The following ARID1B variants were observed in gnomAD, a reference collection of about 807,000 sequenced individuals.
The protein encoded by ARID1B is AT-rich interactive domain-containing protein 1B.
A neutral mutation model predicts 212.3 loss-of-function variants in ARID1B; 30 were observed. The observed-to-expected ratio is 0.14, with a 90% CI of 0.11 to 0.19. The LOEUF (loss-of-function observed/expected upper bound fraction) is 0.19. Among genes scored for constraint, ARID1B ranks in the 10% least tolerant of loss-of-function variants. The pLI is 1.00. For missense variants in ARID1B, 2,891 were observed against 3,204.0 expected, an observed-to-expected ratio of 0.90 and a Z score of 2.36; for synonymous variants, 1,402 against 1,301.7, an observed-to-expected ratio of 1.08 and a Z score of -1.66.
rs574554477 is a variant in ARID1B, at chr6:157,167,287, G to A, written c.3235+102G>A. ...CTAAACGGCCCGAGAAGGTGGATCA[G>A]TTGGCGAAAGTGGGAATCATACTAC... is the stretch of plus-strand genomic sequence containing the variant. On this transcript the variant is annotated intron_variant, in intron 9 of 19. Coordinates refer to ENST00000636930, the MANE Select transcript of ARID1B (RefSeq NM_001374828.1). 26 of 1,409,634 alleles carry A rather than the reference G, an allele frequency of 1.8e-5. No homozygotes were observed. The African/African-American group carries it at 3.6e-4, about 20-fold the overall frequency. The allele number at this position is 1,409,634 out of a possible 1,614,324, so 87.3% of individuals were successfully genotyped here. A position where few individuals can be genotyped will look rare whatever the true frequency, so the allele number is the denominator to read the frequency against.
intron 7 of ARID1B, among the ~76,000 whole-genome samples, chr6:157,141,989 G>A (rs977127445): frequency 6.6e-6 from 1 of 152,120 alleles, no homozygotes; most frequent in Admixed American, 6.5e-5. Flanking sequence ...AGCTCTACTC[G>A]TAATTGCCAA....
intron 2 of ARID1B, among the ~76,000 whole-genome samples, chr6:156,853,777 C>T (rs1339543198): frequency 6.6e-6 from 1 of 152,124 alleles, no homozygotes; most frequent in African/African-American, 2.4e-5. Context: ...TGTTCTGTTG[C>T]CCGGACTGGA....
intron 4 of ARID1B, among the ~76,000 whole-genome samples, chr6:156,987,645 G>C (rs893046566): frequency 2.0e-5 from 3 of 152,260 alleles, no homozygotes; most frequent in South Asian, 4.1e-4. Context: ...CTAGTTTTGT[G>C]CCTGTATTTT....
chr6:157,088,883 G>T (rs1026536074), intron 5 of ARID1B, among the ~76,000 whole-genome samples: 1 of 152,128 alleles, frequency 6.6e-6, no homozygotes, highest in African/African-American at 2.4e-5. Flanking sequence ...TCTCCCAGGC[G>T]TGATACTCAA....
Position 157,148,499 on chromosome 6 carries a change from G to T in ARID1B, c.2762-125G>T, listed in dbSNP as rs1789961576. ...CTGGCAGCTGCACCAGCAGCAACAG[G>T]AAGGGCCTATAACGGTCATGACTAA... On this transcript the variant is annotated intron_variant, in intron 7 of 19. Coordinates refer to ENST00000636930, the MANE Select transcript of ARID1B (RefSeq NM_001374828.1). This position sits in a 1 kb window ranked among gnomAD's most constrained non-coding sequence, Gnocchi z 5.6. 6 of 1,032,630 alleles carry T rather than the reference G, an allele frequency of 5.8e-6. No homozygotes were observed. The highest frequency in any genetic ancestry group is 3.3e-5 in the South Asian group (2 of 60,504). 64.0% of individuals were successfully genotyped at this position (1,032,630 alleles called of 1,614,324 possible).
intron 2 of ARID1B, among the ~76,000 whole-genome samples, chr6:156,841,216 C>T (rs116279969): frequency 2.2e-3 from 339 of 152,238 alleles, no homozygotes; most frequent in African/African-American, 7.7e-3. Context: ...AGTTCTCTGT[C>T]GCTGATCATT....
chr6:156,881,355 G>T (rs532694666), intron 2 of ARID1B, among the ~76,000 whole-genome samples: 1 of 152,264 alleles, frequency 6.6e-6, no homozygotes, highest in African/African-American at 2.4e-5. Flanking sequence ...TGTTGTATTT[G>T]AAGAAATTGC....
chr6:156,985,059 A>G (rs1387468415), intron 4 of ARID1B: 1 of 152,184 alleles, frequency 6.6e-6, no homozygotes, highest in Non-Finnish European at 1.5e-5. Flanking sequence ...AGGTTATTAA[A>G]TATTGCTTTA....
chr6:156,790,011 C>T (rs1235549812), intron 1 of ARID1B, among the ~76,000 whole-genome samples: 2 of 152,196 alleles, frequency 1.3e-5, no homozygotes, highest in South Asian at 2.1e-4. Flanking sequence ...AGCAGCCTAT[C>T]GGTCTTTCAG....
chr6:157,117,210 A>C (rs1787380642), intron 6 of ARID1B, among the ~76,000 whole-genome samples: 2 of 152,184 alleles, frequency 1.3e-5, no homozygotes, highest in South Asian at 4.1e-4. Context: ...GGTGAATCAA[A>C]ATTTCTATAC....
chr6:156,952,971 C>T (rs916046540), intron 4 of ARID1B, among the ~76,000 whole-genome samples: 4 of 152,090 alleles, frequency 2.6e-5, no homozygotes, highest in Non-Finnish European at 5.9e-5. Flanking sequence ...ATTTCATTAC[C>T]TCTGGGAAAA....
intron 3 of ARID1B, among the ~76,000 whole-genome samples, chr6:156,915,372 G>A (rs1254355081): frequency 6.6e-6 from 1 of 152,078 alleles, no homozygotes; most frequent in Non-Finnish European, 1.5e-5. Context: ...TTCGAGACCA[G>A]CCTGGCCAAC....
chr6:157,073,040 A>G (rs1349501770), intron 4 of ARID1B, among the ~76,000 whole-genome samples: 9 of 151,880 alleles, frequency 5.9e-5, no homozygotes. Context: ...ATACATAATT[A>G]TCTGATAAAT....
At chr6:156,880,739 C>CAAAAAAAAAAAAA (rs141153792) in intron 2 of ARID1B, among the ~76,000 whole-genome samples, 20 of 86,990 alleles carry the variant, frequency 2.3e-4, no homozygotes, top group Admixed American at 3.3e-4. Flanking sequence ...GACTCTGTCT[C>CAAAAAAAAAAAAA]AAAAAAAAAA....
intron 2 of ARID1B, among the ~76,000 whole-genome samples, chr6:156,881,772 C>T (rs1011549863): frequency 3.9e-5 from 6 of 152,044 alleles, no homozygotes; most frequent in Admixed American, 1.3e-4. Context: ...TTTGGGGTGG[C>T]GGCAAGTTTA....
intron 3 of ARID1B, among the ~76,000 whole-genome samples, chr6:156,927,223 A>G (rs896408242): frequency 6.6e-6 from 1 of 152,076 alleles, no homozygotes; most frequent in African/African-American, 2.4e-5. Flanking sequence ...TCTTTTAATT[A>G]CTCTTCATTT....
At chr6:157,035,371 A>G (rs991361331) in intron 4 of ARID1B, among the ~76,000 whole-genome samples, 1 of 152,248 alleles carries the variant, frequency 6.6e-6, no homozygotes, top group Non-Finnish European at 1.5e-5. Flanking sequence ...AAGATTCAGC[A>G]TATTTCCTGT....
intron 1 of ARID1B, among the ~76,000 whole-genome samples, chr6:156,784,991 C>T (rs936282193): frequency 1.1e-4 from 17 of 152,162 alleles, no homozygotes; most frequent in African/African-American, 4.1e-4. Context: ...AACTCCTGAC[C>T]TCAAGTGATC....
intron 2 of ARID1B, among the ~76,000 whole-genome samples, chr6:156,867,068 CT>C (rs1161571025): frequency 3.3e-5 from 5 of 152,170 alleles, no homozygotes; most frequent in African/African-American, 9.7e-5. Flanking sequence ...TCCTTGGAGT[CT>C]TCTGTGACCT....
Sources: gnomAD v4.1 joint callset for allele counts (sites outside exome capture counted in the v4.1 genomes callset) on GRCh38, gnomAD v4.1.1 for gene constraint, Gnocchi (gnomAD v3.1) non-coding constraint, MANE v1.5 for transcripts, NCBI Gene and HGNC (gene_info 2026-07-23, HGNC 2026-07-21) for gene names.